The following EEIG2 variants were observed in gnomAD, a reference collection of about 807,000 sequenced individuals.
EEIG2 encodes family with sequence similarity 102 member B.
chr1:108,592,994 C>CA, the EEIG2 span, among the ~76,000 whole-genome samples: 1 of 151,744 alleles, frequency 6.6e-6, no homozygotes, highest in African/African-American at 2.4e-5. Context: ...CCCATCTCTA[C>CA]AAAAAATACA....
chr1:108,563,958 T>G, the EEIG2 span, among the ~76,000 whole-genome samples: 1 of 152,152 alleles, frequency 6.6e-6, no homozygotes, highest in Admixed American at 6.5e-5. Flanking sequence ...TCTGGGAGGA[T>G]GAGTTTGCAT....
chr1:108,616,007 T>C, the EEIG2 span, among the ~76,000 whole-genome samples: 1 of 152,178 alleles, frequency 6.6e-6, no homozygotes, highest in African/African-American at 2.4e-5. Context: ...TAAATTATTA[T>C]TGCTATTTGT....
At chr1:108,566,696 T>A in the EEIG2 span, among the ~76,000 whole-genome samples, 1,465 of 144,610 alleles carry the variant, frequency 0.01, 22 homozygotes, top group African/African-American at 0.035. Context: ...TTCGGCCTTT[T>A]AAAAAAAAAA....
At chr1:108,585,493 T>C in the EEIG2 span, among the ~76,000 whole-genome samples, 1 of 152,166 alleles carries the variant, frequency 6.6e-6, no homozygotes, top group African/African-American at 2.4e-5. Context: ...TTACACTGAC[T>C]GTAATCAATA....
At chr1:108,586,343 GTGTGTGTGTGTA>G in the EEIG2 span, among the ~76,000 whole-genome samples, 1 of 76,920 alleles carries the variant, frequency 1.3e-5, no homozygotes, top group Non-Finnish European at 3.3e-5. Flanking sequence ...GTGTGTGTGT[GTGTGTGTGTGTA>G]ATGCCATTTA....
the EEIG2 span, chr1:108,600,578 A>G: frequency 6.2e-7 from 1 of 1,612,054 alleles, no homozygotes; most frequent in South Asian, 1.1e-5. Flanking sequence ...AGGTGGTACA[A>G]GCAAACTGTG....
chr1:108,593,371 A>T, the EEIG2 span, among the ~76,000 whole-genome samples: 1 of 152,204 alleles, frequency 6.6e-6, no homozygotes, highest in Non-Finnish European at 1.5e-5. Flanking sequence ...GTAAAAGGGT[A>T]TGTTTCAACT....
chr1:108,563,308 G>A, the EEIG2 span, among the ~76,000 whole-genome samples: 1 of 152,198 alleles, frequency 6.6e-6, no homozygotes, highest in Admixed American at 6.5e-5. Context: ...TTTGGGCATT[G>A]AGTCTCTAAT....
At chr1:108,624,211 G>A in the EEIG2 span, among the ~76,000 whole-genome samples, 1 of 152,116 alleles carries the variant, frequency 6.6e-6, no homozygotes, top group African/African-American at 2.4e-5. Flanking sequence ...TATTTAAAAA[G>A]TGAGTGGAGC....
chr1:108,566,582 T>G, the EEIG2 span, among the ~76,000 whole-genome samples: 1 of 152,264 alleles, frequency 6.6e-6, no homozygotes, highest in East Asian at 1.9e-4. Flanking sequence ...TGTACTCTTA[T>G]TGTCTTTGCA....
the EEIG2 span, chr1:108,628,292 T>C: frequency 6.2e-7 from 1 of 1,613,188 alleles, no homozygotes; most frequent in Non-Finnish European, 8.5e-7. Flanking sequence ...TTGAATTCCT[T>C]ATTGTTCCAA....
chr1:108,597,678 A>T, the EEIG2 span, among the ~76,000 whole-genome samples: 1 of 152,252 alleles, frequency 6.6e-6, no homozygotes, highest in South Asian at 2.1e-4. Flanking sequence ...GTCTCTGGCC[A>T]CTTATTTTTG....
chr1:108,629,503 A>C, the EEIG2 span: 1 of 987,700 alleles, frequency 1.0e-6, no homozygotes, highest in South Asian at 1.7e-5. Flanking sequence ...AAACAATTGT[A>C]AAATATGAAT....
the EEIG2 span, among the ~76,000 whole-genome samples, chr1:108,592,770 A>G: frequency 6.6e-6 from 1 of 152,216 alleles, no homozygotes; most frequent in South Asian, 2.1e-4. Flanking sequence ...AAATGGTAAG[A>G]CTTAGTCTAT....
chr1:108,585,102 G>C, the EEIG2 span, among the ~76,000 whole-genome samples: 3 of 152,120 alleles, frequency 2.0e-5, no homozygotes, highest in Non-Finnish European at 2.9e-5. Context: ...ATTGAAAACT[G>C]TAACTTCCGT....
At chr1:108,637,221 CTTGAT>C in the EEIG2 span, 1 of 152,086 alleles carries the variant, frequency 6.6e-6, no homozygotes, top group Non-Finnish European at 1.5e-5. Flanking sequence ...TCAGATACAC[CTTGAT>C]TTATGTAGTA....
the EEIG2 span, among the ~76,000 whole-genome samples, chr1:108,607,538 T>C: frequency 6.6e-6 from 1 of 152,148 alleles, no homozygotes; most frequent in Non-Finnish European, 1.5e-5. Flanking sequence ...AACCAGGGTT[T>C]TGTGGCTGGG....
chr1:108,590,736 A>G, the EEIG2 span, among the ~76,000 whole-genome samples: 1 of 152,242 alleles, frequency 6.6e-6, no homozygotes, highest in Non-Finnish European at 1.5e-5. Flanking sequence ...CATTCTTCAT[A>G]GCAGTTTCTT....
chr1:108,628,084 T>G, the EEIG2 span: 2 of 1,197,028 alleles, frequency 1.7e-6, no homozygotes, highest in Non-Finnish European at 2.5e-6. Flanking sequence ...CTTGGCAGAG[T>G]TTATAAAGTC....
Sources: allele counts gnomAD v4.1 joint callset (sites outside exome capture counted in the v4.1 genomes callset), GRCh38; gene constraint gnomAD v4.1.1; transcripts MANE v1.5; gene names NCBI Gene and HGNC (gene_info 2026-07-23, HGNC 2026-07-21).